The following NDUFS4 variants were observed in gnomAD, a reference collection of about 807,000 sequenced individuals.
NDUFS4 encodes NADH:ubiquinone oxidoreductase subunit S4.
A neutral mutation model predicts 24.3 loss-of-function variants in NDUFS4; 28 were observed. The ratio of observed to expected loss-of-function variants is 1.15; its 90% confidence interval spans 0.85 to 1.58. The LOEUF is 1.58. Among genes scored for constraint, NDUFS4 ranks in the 40% most tolerant of loss-of-function variants. The pLI is 0.00. For synonymous variants in NDUFS4, 93 were observed against 69.7 expected, an observed-to-expected ratio of 1.34 and a Z score of -1.67; for missense variants, 223 against 207.9, an observed-to-expected ratio of 1.07 and a Z score of -0.45.
chr5:53,653,482 A>C (rs554751864), intron 3 of NDUFS4, among the ~76,000 whole-genome samples: 4 of 152,256 alleles, frequency 2.6e-5, no homozygotes, highest in African/African-American at 9.6e-5. Flanking sequence ...TTTTTAATTG[A>C]ATTTAAATAA....
At chr5:53,590,274 A>G (rs1749904099) in intron 1 of NDUFS4, among the ~76,000 whole-genome samples, 1 of 152,190 alleles carries the variant, frequency 6.6e-6, no homozygotes, top group African/African-American at 2.4e-5. Flanking sequence ...TTTGTCTGTT[A>G]CATTTTCATA....
intron 2 of NDUFS4, among the ~76,000 whole-genome samples, chr5:53,637,986 G>A (rs529104639): frequency 3.9e-5 from 6 of 152,158 alleles, no homozygotes; most frequent in Admixed American, 1.3e-4. Context: ...TAAAATGGCC[G>A]TGGTTAAAAG....
intron 4 of NDUFS4, among the ~76,000 whole-genome samples, chr5:53,662,112 A>G (rs1752360140): frequency 6.6e-6 from 1 of 152,224 alleles, no homozygotes. Flanking sequence ...TTGCCCATTC[A>G]GTATGATATT....
intron 2 of NDUFS4, among the ~76,000 whole-genome samples, chr5:53,633,391 AC>A (rs1751464006): frequency 6.6e-6 from 1 of 152,184 alleles, no homozygotes; most frequent in South Asian, 2.1e-4. Context: ...CCTTTCCCTG[AC>A]CATACAACCT....
intron 1 of NDUFS4, among the ~76,000 whole-genome samples, chr5:53,601,180 T>G (rs1317894933): frequency 6.6e-6 from 1 of 151,916 alleles, no homozygotes; most frequent in East Asian, 1.9e-4. Context: ...ATTTTTTGTA[T>G]TTTTAGTAGA....
At chr5:53,577,505 T>G (rs1749424835) in intron 1 of NDUFS4, among the ~76,000 whole-genome samples, 1 of 150,864 alleles carries the variant, frequency 6.6e-6, no homozygotes, top group South Asian at 2.1e-4. Flanking sequence ...TTGGTCCTAG[T>G]AAGGGGTCTA....
Position 53,646,578 on chromosome 5 carries a change from TAA to T in NDUFS4, c.350+174_350+175del, listed in dbSNP as rs10571887. 0.42 allele frequency among the ~76,000 whole-genome samples: 64,061 copies of T among 151,746 alleles called. 14,323 individuals carry two copies. Among genetic ancestry groups the T allele is most frequent in the Admixed American group, 0.5 (7,647 of 15,226 alleles). On this transcript the variant is annotated intron_variant, in intron 3 of 4. Coordinates refer to ENST00000296684, the MANE Select transcript of NDUFS4 (RefSeq NM_002495.4). ...CACATTATATATTTAGATATTCAGA[TAA>T]GTGTGGCTTAGCACAGTAAACTATG...
intron 4 of NDUFS4, among the ~76,000 whole-genome samples, chr5:53,670,221 T>G (rs1752625629): frequency 6.6e-6 from 1 of 152,002 alleles, no homozygotes; most frequent in Non-Finnish European, 1.5e-5. Context: ...TCAATCACAT[T>G]GCTCCTGACA....
intron 2 of NDUFS4, among the ~76,000 whole-genome samples, chr5:53,611,755 A>G (rs1402366373): frequency 3.9e-5 from 6 of 151,974 alleles, no homozygotes; most frequent in Non-Finnish European, 7.4e-5. Flanking sequence ...GTGCTTTATT[A>G]TGAGGGTAAC....
rs747288459 is a variant in NDUFS4, at chr5:53,646,193, G to A, written c.178-40G>A. On this transcript the variant is annotated intron_variant, in intron 2 of 4. Coordinates refer to ENST00000296684, the MANE Select transcript of NDUFS4 (RefSeq NM_002495.4). The stretch of plus-strand genomic sequence containing the variant: ...ACAAAAGTACATTAGTGTGTATGTA[G>A]GCTGTTTGAAACGTGTTTTTTTTTC... 9 of 1,480,868 alleles carry A rather than the reference G, an allele frequency of 6.1e-6. No homozygotes were observed. In the South Asian group the frequency reaches 8.2e-5, roughly 14 times the overall value. The allele number at this position is 1,480,868 out of a possible 1,614,324, so 91.7% of individuals were successfully genotyped here.
At chr5:53,616,570 G>A (rs1486422568) in intron 2 of NDUFS4, among the ~76,000 whole-genome samples, 2 of 152,090 alleles carry the variant, frequency 1.3e-5, no homozygotes, top group Non-Finnish European at 2.9e-5. Context: ...ATGACCAAAA[G>A]TGTAGCTGGT....
chr5:53,606,448 A>G lies in NDUFS4; in HGVS notation c.177+2918A>G, dbSNP rs148352470. ...AGCGGCGCGATCTCGGCTCACTGCT[A>G]CCTCCGCCTCCCAGTTCAAGTGATT... is the stretch of plus-strand genomic sequence containing the variant. On this transcript the variant is annotated intron_variant, in intron 2 of 4. Transcript: ENST00000296684. Among the ~76,000 whole-genome samples, 390 of 151,856 alleles carry G rather than the reference A, an allele frequency of 2.6e-3. 6 individuals carry two copies. Among genetic ancestry groups the G allele is most frequent in the African/African-American group, 9.1e-3 (376 of 41,466 alleles).
At chr5:53,681,381 T>TTAAG (rs1740658911) in intron 4 of NDUFS4, among the ~76,000 whole-genome samples, 1 of 152,246 alleles carries the variant, frequency 6.6e-6, no homozygotes, top group African/African-American at 2.4e-5. Context: ...TAAATGATTG[T>TTAAG]TAAGTCAGGG....
chr5:53,625,783 A>G (rs1751201227), intron 2 of NDUFS4, among the ~76,000 whole-genome samples: 1 of 152,068 alleles, frequency 6.6e-6, no homozygotes, highest in Admixed American at 6.6e-5. Context: ...AAATCTTTTA[A>G]CATATTTATA....
chr5:53,625,140 G>A (rs183096240), intron 2 of NDUFS4, among the ~76,000 whole-genome samples: 1 of 151,862 alleles, frequency 6.6e-6, no homozygotes, highest in Non-Finnish European at 1.5e-5. Context: ...GTAGAAATGG[G>A]GTTCGCCATG....
intron 1 of NDUFS4, among the ~76,000 whole-genome samples, chr5:53,596,089 G>A (rs1456880814): frequency 1.3e-5 from 2 of 151,950 alleles, no homozygotes; most frequent in East Asian, 3.9e-4. Flanking sequence ...AAGCATTTGT[G>A]GGTTCTTTTC....
At chr5:53,582,957 A>C (rs1252333528) in intron 1 of NDUFS4, among the ~76,000 whole-genome samples, 1 of 152,192 alleles carries the variant, frequency 6.6e-6, no homozygotes, top group African/African-American at 2.4e-5. Context: ...GTTGAAGTAC[A>C]GTGGCACGAT....
chr5:53,660,221 C>G (rs551693068), intron 4 of NDUFS4, among the ~76,000 whole-genome samples: 52 of 146,182 alleles, frequency 3.6e-4, no homozygotes, highest in African/African-American at 1.3e-3. Context: ...TTGTTCAATT[C>G]CCCACCTATG....
intron 1 of NDUFS4, among the ~76,000 whole-genome samples, chr5:53,595,619 C>T (rs929655181): frequency 6.6e-6 from 1 of 152,098 alleles, no homozygotes; most frequent in African/African-American, 2.4e-5. Flanking sequence ...TTTACATTTT[C>T]CGTCACACCC....
Sources: allele counts gnomAD v4.1 joint callset (sites outside exome capture counted in the v4.1 genomes callset), GRCh38; gene constraint gnomAD v4.1.1; transcripts MANE v1.5; gene names NCBI Gene and HGNC (gene_info 2026-07-23, HGNC 2026-07-21).